Variants in NBR1 observed in about 807,000 individuals in gnomAD.
NBR1 encodes the protein next to BRCA1 gene 1 protein.
A neutral mutation model predicts 115.5 loss-of-function variants in NBR1; 59 were observed. That is an observed-to-expected ratio of 0.51 (90% CI 0.41 to 0.63). The LOEUF is 0.63. Among genes scored for constraint, NBR1 ranks in the 30% least tolerant of loss-of-function variants. NBR1 has a pLI of 0.00. For missense variants in NBR1, 1,043 were observed against 1,150.5 expected (o/e 0.91, Z 1.35); for synonymous variants, 373 against 414.7 (o/e 0.90, Z 1.22).
chr17:43,200,272 A>G lies in NBR1; in HGVS notation c.2132A>G (p.Glu711Gly), dbSNP rs1437512897. ...GAGGAGGAGGAGGATGAGGAGGATGAGGAGGAGGAGGATGAGCTCAAAGAT... is the reference window on the plus strand; with the variant it reads ...GAGGAGGAGGAGGATGAGGAGGATGGGGAGGAGGAGGATGAGCTCAAAGAT... ...VMEEEEDEED[E>G]EEEDELKDEV... Residue 711 changes from glutamate (E) to glycine (G), a missense_variant, in exon 17 of 21, where the codon GAG becomes GGG. Glu to Gly is a moderately conservative substitution (Grantham distance 98). Coordinates refer to ENST00000590996, the MANE Select transcript of NBR1 (RefSeq NM_005899.5). The G allele has an allele frequency of 9.7e-6, 15 of 1,549,200 alleles. No homozygotes were observed. Among genetic ancestry groups the G allele is most frequent in the Non-Finnish European group, 1.3e-5 (15 of 1,144,756 alleles).
chr17:43,194,788 A>T, intron 13 of NBR1, 176 bp from the exon 14 acceptor site: 1 of 630,920 alleles, frequency 1.6e-6, no homozygotes, highest in Non-Finnish European at 2.8e-6. Flanking sequence ...CTTTCCTGCT[A>T]TTGGGTTATT....
chr17:43,178,340 C>T (rs2056577102), intron 3 of NBR1, among the ~76,000 whole-genome samples: 1 of 150,758 alleles, frequency 6.6e-6, no homozygotes, highest in Non-Finnish European at 1.5e-5. Context: ...GAGACACCCA[C>T]CATGCCTGGC....
rs867939110 is a variant in NBR1, at chr17:43,177,984, G to A, written c.151G>A (p.Glu51Lys). The change falls in exon 3 of 21, where the codon GAG (glutamate) becomes AAG (lysine). Residue 51 changes from glutamate (E) to lysine (K), a missense_variant. Transcript: ENST00000590996. ...LNTIQIKYLD[E>K]ENEEVSINSQ... is the part of the protein sequence containing the mutation. Reference sequence around the variant, plus strand: ...TACTATTCAAATAAAATACCTGGATGAGGAAAATGAAGAGGTAAAATATAT... The same window carrying A: ...TACTATTCAAATAAAATACCTGGATAAGGAAAATGAAGAGGTAAAATATAT... 5.1e-6 allele frequency: 8 copies of A among 1,568,700 alleles called. No homozygotes were observed. The highest frequency in any genetic ancestry group is 3.4e-4 in the Middle Eastern group (2 of 5,840).
rs764404169 is a variant in NBR1 at position 43,194,949 on chromosome 17, T to G, written c.1675-15T>G. ...GCATGCACTCCAAACAGCCTAACAT[T>G]GTCTTTTTTTATAGGACCTGCTGTC... On this transcript the variant is annotated splice_polypyrimidine_tract_variant and intron_variant, in intron 13 of 20. Transcript: ENST00000590996. 9.9e-6 allele frequency: 16 copies of G among 1,611,176 alleles called. No homozygotes were observed. The highest frequency in any genetic ancestry group is 1.2e-5 in the Non-Finnish European group (14 of 1,178,024).
At chr17:43,177,179 G>A (rs2056536759) in intron 2 of NBR1, among the ~76,000 whole-genome samples, 1 of 151,278 alleles carries the variant, frequency 6.6e-6, no homozygotes, top group Admixed American at 6.6e-5. Context: ...AGGTTGAGGT[G>A]GGCGAATTGC....
intron 19 of NBR1, among the ~76,000 whole-genome samples, 182 bp downstream of exon 19, chr17:43,202,894 G>C (rs756325746): frequency 6.6e-6 from 1 of 152,192 alleles, no homozygotes; most frequent in African/African-American, 2.4e-5. Flanking sequence ...GGCTAAAGCT[G>C]ATGTTTAAGA....
Position 43,210,208 on chromosome 17 carries a change from AC to A in NBR1, c.*135del. Reference sequence around the variant, plus strand: ...TAGAGCCCATCGTTGAGTTACCAAGACAATACCTGCTACAGTATTTTGGGGA... The same window carrying A: ...TAGAGCCCATCGTTGAGTTACCAAGAAATACCTGCTACAGTATTTTGGGGA... On this transcript the variant is annotated 3_prime_UTR_variant, in exon 21 of 21. Transcript: ENST00000590996. The A allele has an allele frequency of 1.4e-6, 1 of 719,048 alleles. No individual in the cohort carries two copies. Among genetic ancestry groups the A allele is most frequent in the Non-Finnish European group, 2.0e-6 (1 of 493,916 alleles). 44.5% of individuals were successfully genotyped at this position (719,048 alleles called of 1,614,324 possible). A position where few individuals can be genotyped will look rare whatever the true frequency, so the allele number is the denominator to read the frequency against.
At chr17:43,187,188 T>C (rs961515097) in intron 6 of NBR1, among the ~76,000 whole-genome samples, 2 of 151,432 alleles carry the variant, frequency 1.3e-5, no homozygotes, top group Non-Finnish European at 2.9e-5. Context: ...CTATTATTTC[T>C]TTTTTTTTGA....
chr17:43,202,193 A>C (rs1010234896), intron 18 of NBR1, among the ~76,000 whole-genome samples: 2 of 150,168 alleles, frequency 1.3e-5, no homozygotes, highest in African/African-American at 4.9e-5. Flanking sequence ...AAAAAAAAAA[A>C]AAAACTTGCC....
chr17:43,189,206 G>C, intron 7 of NBR1, 87 bp downstream of exon 7: 2 of 935,512 alleles, frequency 2.1e-6, no homozygotes, highest in Non-Finnish European at 1.8e-6. Context: ...CCAGGTGGCT[G>C]CTGCCTCTAG....
At chr17:43,183,014 T>C (rs544004891) in intron 5 of NBR1, among the ~76,000 whole-genome samples, 1 of 151,882 alleles carries the variant, frequency 6.6e-6, no homozygotes, top group African/African-American at 2.4e-5. Context: ...TCCTCTTGCC[T>C]TGGCCTCCCA....
intron 6 of NBR1, 34 bp downstream of exon 6, chr17:43,186,478 G>T: frequency 7.1e-7 from 1 of 1,409,234 alleles, no homozygotes. Flanking sequence ...ATCCAATATC[G>T]TTTCTTTTTT....
At chr17:43,184,585 C>G (rs530916197) in intron 5 of NBR1, among the ~76,000 whole-genome samples, 2 of 151,168 alleles carry the variant, frequency 1.3e-5, no homozygotes, top group Non-Finnish European at 2.9e-5. Context: ...AGGCTGGTCT[C>G]GAACTCCTGA....
In NBR1 at chr17:43,193,139, A is replaced by G. The variant is rs748684912; in HGVS notation, c.1119A>G (p.Ala373=). 6.8e-6 allele frequency: 11 copies of G among 1,613,878 alleles called. No homozygotes were observed. The highest frequency in any genetic ancestry group is 5.0e-5 in the Admixed American group (3 of 59,992). The change falls in exon 11 of 21, where the codon GCA becomes GCG. Residue 373 remains alanine (A), a synonymous_variant. Coordinates refer to ENST00000590996, the MANE Select transcript of NBR1 (RefSeq NM_005899.5). ...CCTCCGTTATGCCAATGCTCAGTGC[A>G]GCATTTGTGGATGAGAATTTGCCTG... The part of the protein sequence containing the change: ...PCTSVMPMLS[A]AFVDENLPDG...
At chr17:43,190,822 G>C (rs2056928353) in intron 9 of NBR1, 46 bp downstream of exon 9, 2 of 1,528,448 alleles carry the variant, frequency 1.3e-6, no homozygotes, top group Non-Finnish European at 1.8e-6. Context: ...TTGACTTCTT[G>C]GTTCTGGTGA....
At chr17:43,179,923 C>T (rs2056620774) in intron 4 of NBR1, among the ~76,000 whole-genome samples, 1 of 118,232 alleles carries the variant, frequency 8.5e-6, no homozygotes, top group Non-Finnish European at 1.9e-5. Context: ...ATGTGAGGGA[C>T]CTGGGTTGAG....
intron 9 of NBR1, 138 bp from the exon 10 acceptor site, chr17:43,191,234 A>G (rs1234269047): frequency 1.5e-6 from 1 of 661,648 alleles, no homozygotes; most frequent in South Asian, 2.0e-5. Flanking sequence ...AGCCTACATG[A>G]CAGAGTGAGA....
In NBR1 at chr17:43,210,127, T is replaced by C. The variant is rs2057392522; in HGVS notation, c.*53T>C. ...TGCTGCTCAGAGATGATCTTTATTC[T>C]GTCATTGGGGTATGGGATAGAAGCC... On this transcript the variant is annotated 3_prime_UTR_variant, in exon 21 of 21. Coordinates refer to ENST00000590996, the MANE Select transcript of NBR1 (RefSeq NM_005899.5). 4 of 1,540,368 alleles carry C rather than the reference T, an allele frequency of 2.6e-6. No individual in the cohort carries two copies. In the Admixed American group the frequency reaches 5.7e-5, roughly 22 times the overall value.
chr17:43,195,040 G>A lies in NBR1; in HGVS notation c.1750+1G>A, dbSNP rs1170455401. 6.2e-7 allele frequency: 1 copy of A among 1,611,854 alleles called. No homozygotes were observed. The highest frequency in any genetic ancestry group is 8.5e-7 in the Non-Finnish European group (1 of 1,178,130). On this transcript the variant is annotated splice_donor_variant, in intron 14 of 20. Transcript: ENST00000590996. LOFTEE classifies it high-confidence loss of function. ...AGAGTGCCCCACAACACCCCTGTGG[G>A]TAAGAATGTCACTCATTTCATCTTG...
Sources: gnomAD v4.1 joint callset for allele counts (sites outside exome capture counted in the v4.1 genomes callset) on GRCh38, gnomAD v4.1.1 for gene constraint, MANE v1.5 for transcripts, NCBI Gene and HGNC (gene_info 2026-07-23, HGNC 2026-07-21) for gene names.